The following LRCH2 variants were observed in gnomAD, a reference collection of about 807,000 sequenced individuals.
The protein encoded by LRCH2 is leucine rich repeats and calponin homology domain containing 2.
Under a neutral mutation model 68.9 loss-of-function variants are expected in LRCH2, and 38 were observed. That is an observed-to-expected ratio of 0.55 (90% CI 0.43 to 0.72). LRCH2 has a LOEUF of 0.72. LRCH2 is among the 30% of genes least tolerant of loss of function. The probability of loss-of-function intolerance (pLI) is 0.00; values close to 1 mark genes in which losing one functional copy is unlikely to be tolerated. For missense variants in LRCH2, 528 were observed against 572.9 expected, an observed-to-expected ratio of 0.92 and a Z score of 0.80; for synonymous variants, 191 against 208.1, an observed-to-expected ratio of 0.92 and a Z score of 0.71.
At chrX:115,120,349 A>G (rs2072126888) in intron 20 of LRCH2, among the ~76,000 whole-genome samples, 1 of 79,862 alleles carries the variant, frequency 1.3e-5, no homozygotes, top group African/African-American at 4.8e-5. Context: ...CCCCATCAAA[A>G]AGTGGGCGAA....
At chrX:115,130,748 T>C in intron 14 of LRCH2, among the ~76,000 whole-genome samples, 1 of 112,132 alleles carries the variant, frequency 8.9e-6, no homozygotes, top group Non-Finnish European at 1.9e-5. Flanking sequence ...CAGCTAACAC[T>C]TGTACTAGTG....
intron 16 of LRCH2, 75 bp from the exon 17 acceptor site, chrX:115,124,077 T>G: frequency 3.8e-6 from 2 of 526,002 alleles, no homozygotes; most frequent in African/African-American, 4.9e-5. Context: ...AAGGTGCTTA[T>G]TCACATCCAT....
chrX:115,228,293 T>C (rs782756933), intron 1 of LRCH2, among the ~76,000 whole-genome samples: 1 of 111,808 alleles, frequency 8.9e-6, no homozygotes, highest in Non-Finnish European at 1.9e-5. Flanking sequence ...ACTTTCCAGA[T>C]AACTGATTAT....
chrX:115,146,799 A>G (rs929083831), intron 14 of LRCH2, among the ~76,000 whole-genome samples: 8 of 109,123 alleles, frequency 7.3e-5, no homozygotes, highest in African/African-American at 2.0e-4. Context: ...AATCTAGCCA[A>G]TATGTTGAAA....
intron 14 of LRCH2, among the ~76,000 whole-genome samples, chrX:115,145,729 C>CT (rs1447534445): frequency 8.9e-6 from 1 of 111,737 alleles, no homozygotes; most frequent in Non-Finnish European, 1.9e-5. Context: ...CAAATCAAAA[C>CT]TACAATGATG....
intron 11 of LRCH2, among the ~76,000 whole-genome samples, chrX:115,157,777 G>A (rs893929438): frequency 7.3e-5 from 8 of 109,739 alleles, no homozygotes; most frequent in Non-Finnish European, 1.1e-4. Context: ...AGAAGAGACC[G>A]CAGTAAGTAC....
chrX:115,201,630 T>C (rs2072930302), intron 1 of LRCH2, among the ~76,000 whole-genome samples: 1 of 111,769 alleles, frequency 8.9e-6, no homozygotes, highest in Non-Finnish European at 1.9e-5. Context: ...ACTTTCACCA[T>C]TGTTATTGAA....
intron 3 of LRCH2, among the ~76,000 whole-genome samples, chrX:115,182,310 C>A (rs1393111846): frequency 9.0e-6 from 1 of 110,975 alleles, no homozygotes; most frequent in Non-Finnish European, 1.9e-5. Flanking sequence ...AAATTATAAC[C>A]TTTATAAAAT....
In LRCH2 at chrX:115,166,348, G is replaced by A; in HGVS notation, c.999-6C>T. ...TTGGATAAAAATCTTCCATACTATGGAAATAGAAATCCTAAGAGCAGTTAG... is the reference window on the plus strand; with the variant it reads ...TTGGATAAAAATCTTCCATACTATGAAAATAGAAATCCTAAGAGCAGTTAG... On this transcript the variant is annotated splice_polypyrimidine_tract_variant and splice_region_variant and intron_variant, in intron 6 of 20. Coordinates refer to ENST00000317135, the MANE Select transcript of LRCH2 (RefSeq NM_020871.4). 2.7e-6 allele frequency: 3 copies of A among 1,114,844 alleles called. No homozygotes were observed. Among genetic ancestry groups the A allele is most frequent in the Non-Finnish European group, 3.7e-6 (3 of 816,485 alleles). The allele number at this position is 1,114,844 out of a possible 1,213,427, so 91.9% of individuals were successfully genotyped here.
rs374419403 is a variant in LRCH2, at chrX:115,191,755, C to A, written c.350-3385G>T. On this transcript the variant is annotated intron_variant, in intron 1 of 20. Transcript: ENST00000317135. ...CCATGACAGTTCCAGCCGGAGCCAC[C>A]GCTACGGAGGAGGAGGCCGCTACGA... The A allele has an allele frequency of 1.7e-6, 2 of 1,148,879 alleles. No individual in the cohort carries two copies. The allele number at this position is 1,148,879 out of a possible 1,213,427, so 94.7% of individuals were successfully genotyped here.
chrX:115,204,365 C>T (rs1385734253), intron 1 of LRCH2, among the ~76,000 whole-genome samples: 1 of 113,341 alleles, frequency 8.8e-6, no homozygotes, highest in Non-Finnish European at 1.9e-5. Flanking sequence ...ACATTTGGCT[C>T]CTTTTTACTT....
At chrX:115,201,637 T>C (rs1275379397) in intron 1 of LRCH2, among the ~76,000 whole-genome samples, 1 of 111,772 alleles carries the variant, frequency 8.9e-6, no homozygotes, top group Non-Finnish European at 1.9e-5. Context: ...CCATTGTTAT[T>C]GAATATAGTA....
intron 1 of LRCH2, among the ~76,000 whole-genome samples, chrX:115,220,886 T>A (rs978825013): frequency 3.4e-4 from 37 of 110,335 alleles, no homozygotes; most frequent in African/African-American, 1.1e-3. Flanking sequence ...AGCGGCATAG[T>A]ATAAGAATAT....
intron 1 of LRCH2, chrX:115,192,154 G>T: frequency 1.7e-6 from 2 of 1,166,491 alleles, no homozygotes; most frequent in Non-Finnish European, 2.3e-6. Flanking sequence ...TGGCCGGAGT[G>T]ACCATTACGG....
intron 1 of LRCH2, among the ~76,000 whole-genome samples, chrX:115,218,447 C>T (rs2073056498): frequency 8.9e-6 from 1 of 112,662 alleles, no homozygotes; most frequent in African/African-American, 3.2e-5. Flanking sequence ...AGCCCCTTGG[C>T]AAACCCCCAC....
At chrX:115,125,071 G>A (rs1556527130) in intron 16 of LRCH2, among the ~76,000 whole-genome samples, 1 of 110,133 alleles carries the variant, frequency 9.1e-6, no homozygotes, top group East Asian at 2.8e-4. Flanking sequence ...CACTATTTTG[G>A]TTAAATTAAT....
intron 14 of LRCH2, among the ~76,000 whole-genome samples, chrX:115,144,116 T>C (rs181428371): frequency 1.1e-3 from 121 of 111,154 alleles, no homozygotes; most frequent in Non-Finnish European, 1.7e-3. Context: ...ACCTGATGAT[T>C]TGAAAAACAG....
chrX:115,173,950 G>T (rs1244305408), intron 5 of LRCH2, among the ~76,000 whole-genome samples: 3 of 112,075 alleles, frequency 2.7e-5, no homozygotes, highest in Non-Finnish European at 5.6e-5. Flanking sequence ...TTACTTGATT[G>T]TAAGAATACA....
At chrX:115,159,514 G>C (rs2072500249) in intron 11 of LRCH2, among the ~76,000 whole-genome samples, 1 of 110,394 alleles carries the variant, frequency 9.1e-6, no homozygotes, top group Non-Finnish European at 1.9e-5. Context: ...CACTTTGGGA[G>C]GCCAAGGCAG....
Sources: gnomAD v4.1 joint callset for allele counts (sites outside exome capture counted in the v4.1 genomes callset) on GRCh38, gnomAD v4.1.1 for gene constraint, MANE v1.5 for transcripts, NCBI Gene and HGNC (gene_info 2026-07-23, HGNC 2026-07-21) for gene names.